Variants in WDHD1 observed in about 807,000 individuals in gnomAD.
The protein encoded by WDHD1 is WD repeat and HMG-box DNA-binding protein 1.
Under a neutral mutation model 135.4 loss-of-function variants are expected in WDHD1, and 111 were observed. The observed-to-expected ratio is 0.82, with a 90% CI of 0.70 to 0.96. The LOEUF (loss-of-function observed/expected upper bound fraction) is 0.96. Ranked by LOEUF, WDHD1 falls within the 40% of genes least tolerant of loss-of-function variation. The pLI is 0.00. For synonymous variants in WDHD1, 434 were observed against 439.0 expected, an observed-to-expected ratio of 0.99 and a Z score of 0.14; for missense variants, 1,351 against 1,336.3, an observed-to-expected ratio of 1.01 and a Z score of -0.17.
At chr14:54,959,694 C>T (rs1487003255) in intron 21 of WDHD1, among the ~76,000 whole-genome samples, 2 of 151,952 alleles carry the variant, frequency 1.3e-5, no homozygotes, top group East Asian at 1.9e-4. Flanking sequence ...CCTGAGCATA[C>T]GAGTTCAAGG....
At chr14:55,008,581 A>G in intron 5 of WDHD1, 27 bp downstream of exon 5, 3 of 1,564,318 alleles carry the variant, frequency 1.9e-6, no homozygotes, top group Non-Finnish European at 2.6e-6. Context: ...CAGGAAAAAC[A>G]CAAAAAGAGA....
Position 54,941,595 on chromosome 14 carries a change from G to T in WDHD1, c.3285C>A (p.Asn1095Lys). 1 of 1,613,782 alleles carries T rather than the reference G, an allele frequency of 6.2e-7. No individual in the cohort carries two copies. The highest frequency in any genetic ancestry group is 8.5e-7 in the Non-Finnish European group (1 of 1,179,912). Residue 1095 changes from asparagine to lysine, a missense_variant, in exon 26 of 26, where the codon AAC (asparagine) becomes AAA (lysine). This residue lies in a region of WDHD1 where 1,330 missense variants were observed against 1,296.1 expected (regional missense o/e 1.03). Transcript: ENST00000360586. The stretch of plus-strand genomic sequence containing the variant: ...GGTTCTCTTTTGCTTTTTCTTCCTG[G>T]TTTTCTGTTTCATCACTTTCATCAA... ...RVVDESDETE[N>K]QEEKAKENLN...
intron 16 of WDHD1, among the ~76,000 whole-genome samples, chr14:54,976,449 G>T (rs1419957077): frequency 6.6e-6 from 1 of 152,074 alleles, no homozygotes; most frequent in East Asian, 1.9e-4. Context: ...CCCATGCTTT[G>T]GCCTCCCGAT....
At chr14:54,968,142 A>T (rs2041375650) in intron 16 of WDHD1, among the ~76,000 whole-genome samples, 1 of 152,238 alleles carries the variant, frequency 6.6e-6, no homozygotes, top group South Asian at 2.1e-4. Context: ...AATTTTTTTT[A>T]AATTGAAATC....
chr14:54,950,917 A>T (rs1299625410), intron 24 of WDHD1, among the ~76,000 whole-genome samples: 1 of 152,234 alleles, frequency 6.6e-6, no homozygotes, highest in East Asian at 1.9e-4. Flanking sequence ...TAACGAAATG[A>T]AGGCAGAAAT....
intron 2 of WDHD1, among the ~76,000 whole-genome samples, chr14:55,019,014 ACT>A (rs2042302915): frequency 2.6e-5 from 4 of 152,236 alleles, no homozygotes; most frequent in Admixed American, 2.6e-4. Context: ...CAAGAGTGAA[ACT>A]CTGACTCAAA....
intron 2 of WDHD1, among the ~76,000 whole-genome samples, chr14:55,022,299 G>C (rs1364758754): frequency 6.6e-6 from 1 of 152,150 alleles, no homozygotes; most frequent in Non-Finnish European, 1.5e-5. Flanking sequence ...AGGCCCGGGG[G>C]TTAGTAGCTT....
intron 23 of WDHD1, 42 bp from the exon 24 acceptor site, chr14:54,955,736 A>G (rs1393911961): frequency 7.1e-7 from 1 of 1,404,394 alleles, no homozygotes; most frequent in African/African-American, 1.5e-5. Context: ...ATCTAGTATA[A>G]TTTTATATGT....
At position 54,948,193 on chromosome 14, in the gene WDHD1, G is replaced by A. The variant is rs183968635; in HGVS notation, c.3051-3723C>T. On this transcript the variant is annotated intron_variant, in intron 24 of 25. Coordinates refer to ENST00000360586, the MANE Select transcript of WDHD1 (RefSeq NM_007086.4). ...CAGGTTCATCTCACTAGGGCTTGTC[G>A]GACAGTGGGCGCAGAACAGGGGGTG... Among the ~76,000 whole-genome samples the A allele has an allele frequency of 2.5e-3, 386 of 152,196 alleles. 3 individuals are homozygous for A. The highest frequency in any genetic ancestry group is 8.5e-3 in the African/African-American group (353 of 41,550).
At chr14:54,988,986 A>G in intron 13 of WDHD1, 42 bp downstream of exon 13, 9 of 1,528,412 alleles carry the variant, frequency 5.9e-6, no homozygotes, top group Non-Finnish European at 8.0e-6. Context: ...TGTATCTAAC[A>G]GTTCAACAGT....
At chr14:54,973,370 CA>C (rs1160849321) in intron 16 of WDHD1, among the ~76,000 whole-genome samples, 1 of 152,150 alleles carries the variant, frequency 6.6e-6, no homozygotes, top group Admixed American at 6.5e-5. Context: ...TATTCTTTTT[CA>C]AACTACTCAG....
intron 15 of WDHD1, among the ~76,000 whole-genome samples, chr14:54,982,018 T>A (rs2041626493): frequency 1.3e-5 from 2 of 151,822 alleles, no homozygotes; most frequent in South Asian, 4.2e-4. Context: ...ATTATTATTT[T>A]TTTTTTCGAG....
intron 7 of WDHD1, chr14:55,005,525 C>T: frequency 1.7e-6 from 1 of 575,032 alleles, no homozygotes; most frequent in Non-Finnish European, 3.3e-6. Flanking sequence ...AAGCTTCTCC[C>T]AGGTCCTCTT....
At chr14:55,016,136 A>T (rs2042258771) in intron 2 of WDHD1, among the ~76,000 whole-genome samples, 1 of 152,266 alleles carries the variant, frequency 6.6e-6, no homozygotes, top group Non-Finnish European at 1.5e-5. Context: ...AATAGAGTTA[A>T]GCAATCTTCT....
In WDHD1 at chr14:54,955,895, C is replaced by CGTT. The variant is rs1281053966; in HGVS notation, c.2917-202_2917-201insAAC. Among the ~76,000 whole-genome samples, 21 of 110,096 alleles carry CGTT rather than the reference C, an allele frequency of 1.9e-4. 2 individuals carry two copies. The highest frequency in any genetic ancestry group is 2.0e-4 in the Non-Finnish European group (11 of 56,324). The allele number at this position is 110,096 out of a possible 152,430, so 72.2% of individuals were successfully genotyped here. A position where few individuals can be genotyped will look rare whatever the true frequency, so the allele number is the denominator to read the frequency against. ...ACTACACTTCAGATTCCATGTTTTC[C>CGTT]TTTTTTTTTTTTTTTTTTTTGAGAC... On this transcript the variant is annotated intron_variant, in intron 23 of 25. Coordinates refer to ENST00000360586, the MANE Select transcript of WDHD1 (RefSeq NM_007086.4).
chr14:54,980,914 T>C (rs1370061686), intron 16 of WDHD1, among the ~76,000 whole-genome samples: 2 of 148,762 alleles, frequency 1.3e-5, no homozygotes, highest in Admixed American at 1.3e-4. Flanking sequence ...ATTGAAACCA[T>C]CCTGGCTAAC....
intron 16 of WDHD1, among the ~76,000 whole-genome samples, chr14:54,973,700 T>G (rs1036494374): frequency 6.6e-6 from 1 of 152,206 alleles, no homozygotes; most frequent in African/African-American, 2.4e-5. Flanking sequence ...CATATATATG[T>G]ACATTAACAA....
intron 16 of WDHD1, among the ~76,000 whole-genome samples, chr14:54,969,508 T>C (rs371126586): frequency 6.6e-6 from 1 of 152,094 alleles, no homozygotes; most frequent in Non-Finnish European, 1.5e-5. Flanking sequence ...TTCCCAAGAC[T>C]GACTCAGAAA....
intron 2 of WDHD1, among the ~76,000 whole-genome samples, chr14:55,017,010 G>A (rs1015045308): frequency 1.3e-5 from 2 of 152,176 alleles, no homozygotes; most frequent in Admixed American, 1.3e-4. Context: ...ATAGAAAATC[G>A]CCCGTATTAA....
Sources: allele counts gnomAD v4.1 joint callset (sites outside exome capture counted in the v4.1 genomes callset), GRCh38; gene constraint gnomAD v4.1.1; regional missense constraint gnomAD v4.1.1; transcripts MANE v1.5; gene names NCBI Gene and HGNC (gene_info 2026-07-23, HGNC 2026-07-21).